CTNNA3: variants seen among roughly 807,000 people sequenced by gnomAD.
The protein encoded by CTNNA3 is catenin alpha-3.
Under a neutral mutation model 95.7 loss-of-function variants are expected in CTNNA3, and 76 were observed. The observed-to-expected ratio is 0.79, with a 90% CI of 0.66 to 0.96. The LOEUF (loss-of-function observed/expected upper bound fraction) is 0.96, where lower values mean the gene tolerates loss of function less well. Ranked by LOEUF, CTNNA3 falls within the 40% of genes least tolerant of loss-of-function variation. The pLI is 0.00. For synonymous variants in CTNNA3, 431 were observed against 374.4 expected, an observed-to-expected ratio of 1.15 and a Z score of -1.74; for missense variants, 1,191 against 1,089.8, an observed-to-expected ratio of 1.09 and a Z score of -1.31.
chr10:66,052,525 G>A (rs200240780), intron 15 of CTNNA3, among the ~76,000 whole-genome samples: 5 of 152,098 alleles, frequency 3.3e-5, no homozygotes, highest in African/African-American at 4.8e-5. Flanking sequence ...CATGTTGTAC[G>A]TTGTTTAAAT....
intron 3 of CTNNA3, among the ~76,000 whole-genome samples, chr10:67,580,580 T>C (rs567085085): frequency 2.3e-3 from 353 of 151,628 alleles, no homozygotes; most frequent in Non-Finnish European, 8.4e-4. Flanking sequence ...AGTAGTTTTT[T>C]CCAATTCTGT....
intron 11 of CTNNA3, among the ~76,000 whole-genome samples, chr10:66,450,031 T>G (rs1215360036): frequency 6.6e-6 from 1 of 152,068 alleles, no homozygotes; most frequent in Non-Finnish European, 1.5e-5. Flanking sequence ...GGTAATTGTT[T>G]CAATAATTAT....
chr10:67,728,104 C>T (rs1022341756), intron 1 of CTNNA3, among the ~76,000 whole-genome samples: 6 of 139,038 alleles, frequency 4.3e-5, no homozygotes, highest in African/African-American at 1.7e-4. Context: ...AATATACATA[C>T]ATATACATAG....
intron 17 of CTNNA3, among the ~76,000 whole-genome samples, chr10:65,959,574 G>A (rs1261923526): frequency 6.6e-6 from 1 of 152,082 alleles, no homozygotes; most frequent in African/African-American, 2.4e-5. Context: ...ACCCAGGGTG[G>A]AATGCAGTGG....
At chr10:66,647,078 T>C (rs939250138) in intron 9 of CTNNA3, among the ~76,000 whole-genome samples, 3 of 151,830 alleles carry the variant, frequency 2.0e-5, no homozygotes, top group African/African-American at 7.3e-5. Flanking sequence ...TATATGTAAA[T>C]GGACAAAATT....
At chr10:66,528,440 C>T (rs1279601875) in intron 10 of CTNNA3, among the ~76,000 whole-genome samples, 4 of 152,150 alleles carry the variant, frequency 2.6e-5, no homozygotes, top group East Asian at 3.8e-4. Flanking sequence ...CAGACTGTCT[C>T]AAGATTTTCT....
intron 17 of CTNNA3, among the ~76,000 whole-genome samples, chr10:65,947,069 G>A (rs1589158961): frequency 6.8e-6 from 1 of 147,554 alleles, no homozygotes; most frequent in East Asian, 2.0e-4. Flanking sequence ...TACAGTTAAT[G>A]ACAGCCTAAG....
At chr10:66,685,132 A>T (rs1209429259) in intron 9 of CTNNA3, among the ~76,000 whole-genome samples, 1 of 147,528 alleles carries the variant, frequency 6.8e-6, no homozygotes, top group Admixed American at 6.9e-5. Flanking sequence ...GCTATAAGGC[A>T]TTCTTAGAAG....
intron 7 of CTNNA3, among the ~76,000 whole-genome samples, chr10:66,986,217 G>A (rs1416632224): frequency 6.6e-6 from 1 of 152,122 alleles, no homozygotes; most frequent in Non-Finnish European, 1.5e-5. Flanking sequence ...TAGCAAGACT[G>A]CTGGGCATGG....
intron 7 of CTNNA3, among the ~76,000 whole-genome samples, chr10:66,989,280 T>G (rs555392947): frequency 2.0e-5 from 3 of 152,280 alleles, no homozygotes; most frequent in Admixed American, 2.0e-4. Context: ...TATTTTAGAA[T>G]ACAGCATAAA....
rs371784983 is a variant in CTNNA3, at chr10:66,523,851, C to A, written c.1375-3078G>T. ...TCTCAAATGCCGAAGTGATCATGCCCCCCACTTGCTGATAACCTTTGATAA... is the reference window on the plus strand; with the variant it reads ...TCTCAAATGCCGAAGTGATCATGCCACCCACTTGCTGATAACCTTTGATAA... On this transcript the variant is annotated intron_variant, in intron 10 of 17. Transcript: ENST00000433211. Among the ~76,000 whole-genome samples the A allele has an allele frequency of 3.3e-5, 5 of 152,156 alleles. No homozygotes were observed. The East Asian group carries it at 9.7e-4, about 29-fold the overall frequency.
At chr10:67,387,409 CG>C (rs1844225400) in intron 5 of CTNNA3, among the ~76,000 whole-genome samples, 1 of 152,060 alleles carries the variant, frequency 6.6e-6, no homozygotes, top group Admixed American at 6.5e-5. Context: ...GAGGGTCCTA[CG>C]CCCCACGGAG....
chr10:66,048,585 C>A (rs1041378001), intron 15 of CTNNA3, among the ~76,000 whole-genome samples: 18 of 152,088 alleles, frequency 1.2e-4, no homozygotes, highest in Non-Finnish European at 2.2e-4. Flanking sequence ...ACGGCGAAAC[C>A]CCATCTCTAC....
intron 7 of CTNNA3, among the ~76,000 whole-genome samples, chr10:66,822,600 G>T (rs1420404424): frequency 1.3e-5 from 2 of 152,066 alleles, no homozygotes; most frequent in Non-Finnish European, 2.9e-5. Flanking sequence ...TAAAGTTCTG[G>T]CGACACTTCC....
intron 5 of CTNNA3, among the ~76,000 whole-genome samples, chr10:67,348,137 T>G (rs1335171424): frequency 6.6e-6 from 1 of 152,152 alleles, no homozygotes; most frequent in Non-Finnish European, 1.5e-5. Flanking sequence ...ACACCATACA[T>G]AACATTCAAC....
intron 9 of CTNNA3, among the ~76,000 whole-genome samples, chr10:66,747,397 A>G (rs889782283): frequency 5.9e-5 from 9 of 152,190 alleles, no homozygotes; most frequent in Non-Finnish European, 1.2e-4. Flanking sequence ...AATGATCACA[A>G]CCATGGAAAT....
intron 8 of CTNNA3, among the ~76,000 whole-genome samples, chr10:66,772,804 C>T (rs2132812894): frequency 6.6e-6 from 1 of 152,230 alleles, no homozygotes; most frequent in East Asian, 1.9e-4. Context: ...TTCTGCATTA[C>T]TGATAGAAAG....
intron 9 of CTNNA3, among the ~76,000 whole-genome samples, chr10:66,668,136 G>A (rs984953267): frequency 6.6e-6 from 1 of 151,954 alleles, no homozygotes; most frequent in African/African-American, 2.4e-5. Flanking sequence ...CTTCTAATAA[G>A]GGTATATTAA....
chr10:66,871,423 A>ATGG (rs371744610), intron 7 of CTNNA3, among the ~76,000 whole-genome samples: 5 of 152,052 alleles, frequency 3.3e-5, no homozygotes, highest in African/African-American at 1.2e-4. Context: ...TTAGATGGGC[A>ATGG]TGGTGGTGGG....
Sources: gnomAD v4.1 joint callset for allele counts (sites outside exome capture counted in the v4.1 genomes callset) on GRCh38, gnomAD v4.1.1 for gene constraint, MANE v1.5 for transcripts, NCBI Gene and HGNC (gene_info 2026-07-23, HGNC 2026-07-21) for gene names.